FIGNL2: variants seen among roughly 807,000 people sequenced by gnomAD.
The protein encoded by FIGNL2 is fidgetin-like protein 2.
For missense variants in FIGNL2, 1,060 were observed against 950.2 expected (o/e 1.12, Z -1.52); for synonymous variants, 565 against 484.0 (o/e 1.17, Z -2.20).
intron 1 of FIGNL2, among the ~76,000 whole-genome samples, chr12:51,826,171 GCCCCCCCCA>G (rs1410125135): frequency 1.3e-5 from 2 of 151,846 alleles, no homozygotes; most frequent in Non-Finnish European, 2.9e-5. Flanking sequence ...TGCTGGGCCC[GCCCCCCCCA>G]CACAGTTAGC....
chr12:51,841,676 A>G (rs12580688), intron 1 of FIGNL2: 41,906 of 151,978 alleles, frequency 0.28, 6,473 homozygotes, highest in East Asian at 0.52. Context: ...ATCCCTGCCC[A>G]GGTCTGAGAG....
chr12:51,844,692 G>A (rs1251033549), intron 1 of FIGNL2: 1 of 985,188 alleles, frequency 1.0e-6, no homozygotes, highest in Non-Finnish European at 1.2e-6. Context: ...AAACTGCTCG[G>A]AGAAGAGCAA....
At chr12:51,837,636 C>G (rs545763781) in intron 1 of FIGNL2, among the ~76,000 whole-genome samples, 1 of 152,218 alleles carries the variant, frequency 6.6e-6, no homozygotes, top group Non-Finnish European at 1.5e-5. Flanking sequence ...AGCCCCTCCA[C>G]GTTTTCTCTG....
chr12:51,820,038 C>G lies in FIGNL2; in HGVS notation c.*414G>C, dbSNP rs1312951291. On this transcript the variant is annotated 3_prime_UTR_variant, in exon 2 of 2. Transcript: ENST00000618634. ...GTGGGCAGGGGTGTCAGCGACAAAG[C>G]AAAAGGGAGAGAAAACCAAGAGAAT... The G allele has an allele frequency of 4.9e-6, 1 of 204,372 alleles. No individual in the cohort carries two copies. The highest frequency in any genetic ancestry group is 9.9e-6 in the Non-Finnish European group (1 of 101,172). The allele number at this position is 204,372 out of a possible 1,614,324, so 12.7% of individuals were successfully genotyped here. A position where few individuals can be genotyped will look rare whatever the true frequency, so the allele number is the denominator to read the frequency against.
At chr12:51,848,455 C>A in intron 1 of FIGNL2, 85 bp downstream of exon 1, 4 of 982,058 alleles carry the variant, frequency 4.1e-6, no homozygotes, top group Non-Finnish European at 4.8e-6. Flanking sequence ...CCTCTCCGGC[C>A]CCGGGCCGGC....
At chr12:51,843,382 C>CA (rs61653181) in intron 1 of FIGNL2, among the ~76,000 whole-genome samples, 36,111 of 144,818 alleles carry the variant, frequency 0.25, 4,926 homozygotes, top group East Asian at 0.51. Context: ...ACTAAAAATA[C>CA]AAAAAAAAAA....
At position 51,820,259 on chromosome 12, in the gene FIGNL2, A is replaced by G; in HGVS notation, c.*193T>C. ...TAGGAAAAACCTGAGTACACGGCGCATATGGCATCTGCCTGGCAGAAGCAT... is the reference window on the plus strand; with the variant it reads ...TAGGAAAAACCTGAGTACACGGCGCGTATGGCATCTGCCTGGCAGAAGCAT... On this transcript the variant is annotated 3_prime_UTR_variant, in exon 2 of 2. Transcript: ENST00000618634. The G allele has an allele frequency of 4.3e-6, 3 of 701,604 alleles. No homozygotes were observed. Among genetic ancestry groups the G allele is most frequent in the Non-Finnish European group, 2.3e-6 (1 of 438,684 alleles). 43.5% of individuals were successfully genotyped at this position (701,604 alleles called of 1,614,324 possible).
At chr12:51,842,019 G>A (rs1656647778) in intron 1 of FIGNL2, 1 of 152,294 alleles carries the variant, frequency 6.6e-6, no homozygotes, top group African/African-American at 2.4e-5. Flanking sequence ...TTTCCCGGGA[G>A]GGGCACTGCT....
At position 51,821,398 on chromosome 12, in the gene FIGNL2, C is replaced by G. The variant is rs868764588; in HGVS notation, c.1016G>C (p.Gly339Ala). Residue 339 changes from glycine (G) to alanine (A), a missense_variant, in exon 2 of 2, where the codon GGC becomes GCC. Coordinates refer to ENST00000618634, the MANE Select transcript of FIGNL2 (RefSeq NM_001384995.1). Reference sequence around the variant, plus strand: ...CTTTTCAAAGGGCTCCAGTTGCGGGCCGTAGACGGGGGAGCCCAGGACCTT... The same window carrying G: ...CTTTTCAAAGGGCTCCAGTTGCGGGGCGTAGACGGGGGAGCCCAGGACCTT... ...PLKVLGSPVY[G>A]PQLEPFEKFP... is the part of the protein sequence containing the mutation. 23 of 1,524,796 alleles carry G rather than the reference C, an allele frequency of 1.5e-5. No homozygotes were observed. In the Middle Eastern group the frequency reaches 1.2e-3, roughly 79 times the overall value. 94.5% of individuals were successfully genotyped at this position (1,524,796 alleles called of 1,614,324 possible).
intron 1 of FIGNL2, among the ~76,000 whole-genome samples, chr12:51,840,031 A>G (rs547044851): frequency 6.6e-6 from 1 of 152,368 alleles, no homozygotes; most frequent in South Asian, 2.1e-4. Context: ...ATTGAGGAAC[A>G]GGGATTTGCA....
rs534620640 is a variant in FIGNL2 at position 51,847,509 on chromosome 12, G to C, written c.-12+1031C>G. On this transcript the variant is annotated intron_variant, in intron 1 of 1. Coordinates refer to ENST00000618634, the MANE Select transcript of FIGNL2 (RefSeq NM_001384995.1). ...GGTATCCATGGAGACAGGGCCGGCA[G>C]CCTGACAGCCCTACGGCCTAATCCT... The C allele has an allele frequency of 3.7e-4, 368 of 985,446 alleles. 3 individuals are homozygous for C. In the African/African-American group the frequency reaches 6.1e-3, roughly 16 times the overall value. 61.0% of individuals were successfully genotyped at this position (985,446 alleles called of 1,614,324 possible).
At chr12:51,829,976 T>C (rs2138984846) in intron 1 of FIGNL2, among the ~76,000 whole-genome samples, 2 of 152,248 alleles carry the variant, frequency 1.3e-5, no homozygotes, top group South Asian at 4.1e-4. Context: ...TTAATAAAAG[T>C]GCATTGTATA....
intron 1 of FIGNL2, chr12:51,825,837 C>T (rs1480133576): frequency 6.6e-6 from 1 of 151,898 alleles, no homozygotes; most frequent in Admixed American, 6.6e-5. Flanking sequence ...AGGATGGTCT[C>T]GATCTCCTGA....
intron 1 of FIGNL2, chr12:51,844,549 C>G (rs568896860): frequency 3.0e-6 from 1 of 338,976 alleles, no homozygotes; most frequent in Non-Finnish European, 4.2e-6. Flanking sequence ...AGCTCTGACT[C>G]CTTTCATCCT....
chr12:51,820,739 C>A lies in FIGNL2; in HGVS notation c.1675G>T (p.Asp559Tyr). The A allele has an allele frequency of 6.7e-7, 1 of 1,483,172 alleles. No homozygotes were observed. The highest frequency in any genetic ancestry group is 8.9e-7 in the Non-Finnish European group (1 of 1,126,080). The allele number at this position is 1,483,172 out of a possible 1,614,324, so 91.9% of individuals were successfully genotyped here. Residue 559 changes from aspartate to tyrosine, a missense_variant, in exon 2 of 2, where the codon GAC becomes TAC. Coordinates refer to ENST00000618634, the MANE Select transcript of FIGNL2 (RefSeq NM_001384995.1). Reference protein sequence around the residue: ...FSLRFYVALPDSPARGQILQR... With the variant: ...FSLRFYVALPYSPARGQILQR... Reference sequence around the variant, plus strand: ...AGGATCTGCCCGCGGGCCGGGCTGTCGGGCAGCGCCACGTAGAAGCGGAGA... The same window carrying A: ...AGGATCTGCCCGCGGGCCGGGCTGTAGGGCAGCGCCACGTAGAAGCGGAGA...
In FIGNL2 at chr12:51,820,914, C is replaced by G. The variant is rs532501111; in HGVS notation, c.1500G>C (p.Arg500=). 2,527 of 1,329,816 alleles carry G rather than the reference C, an allele frequency of 1.9e-3. 26 individuals carry two copies. The African/African-American group carries it at 0.026, about 13-fold the overall frequency. 82.4% of individuals were successfully genotyped at this position (1,329,816 alleles called of 1,614,324 possible). ...ISELEALLPA[R]DDGAAAGGAL... is the part of the protein sequence containing the mutation. The stretch of plus-strand genomic sequence containing the variant: ...CGCCCCCTGCCGCCGCGCCGTCGTC[C>G]CGGGCGGGGAGCAGCGCCTCTAGCT... The change falls in exon 2 of 2, where the codon CGG becomes CGC. Residue 500 remains arginine, a synonymous_variant. Transcript: ENST00000618634.
At chr12:51,822,504 G>C in intron 1 of FIGNL2, 80 bp from the exon 2 acceptor site, 2 of 1,527,684 alleles carry the variant, frequency 1.3e-6, no homozygotes, top group South Asian at 2.4e-5. Flanking sequence ...AGGCCAGTCC[G>C]CCTAGACTGC....
intron 1 of FIGNL2, among the ~76,000 whole-genome samples, chr12:51,829,562 A>C (rs550462155): frequency 2.0e-5 from 3 of 152,128 alleles, no homozygotes; most frequent in Non-Finnish European, 4.4e-5. Context: ...AGGGCTCAAC[A>C]CATGTTTAGG....
Position 51,821,174 on chromosome 12 carries a change from T to G in FIGNL2, c.1240A>C (p.Arg414=), listed in dbSNP as rs1223249766. 8 of 1,491,646 alleles carry G rather than the reference T, an allele frequency of 5.4e-6. No individual in the cohort carries two copies. The highest frequency in any genetic ancestry group is 7.1e-6 in the Non-Finnish European group (8 of 1,129,984). The allele number at this position is 1,491,646 out of a possible 1,614,324, so 92.4% of individuals were successfully genotyped here. A position where few individuals can be genotyped will look rare whatever the true frequency, so the allele number is the denominator to read the frequency against. Residue 414 remains arginine, a synonymous_variant, in exon 2 of 2, where the codon AGG becomes CGG. Transcript: ENST00000618634. ...LEEELVWPLL[R]PPAYPGSLRP... ...AGGCTGCCCGGGTAGGCGGGCGGCC[T>G]GAGCAGGGGCCACACCAGCTCCTCC...
Sources: gnomAD v4.1 joint callset for allele counts (sites outside exome capture counted in the v4.1 genomes callset) on GRCh38, gnomAD v4.1.1 for gene constraint, MANE v1.5 for transcripts, NCBI Gene and HGNC (gene_info 2026-07-23, HGNC 2026-07-21) for gene names.